Variants in RBM47 observed in about 807,000 individuals in gnomAD.
RBM47 encodes RNA binding motif protein 47, also known as RNA-binding protein 47.
In RBM47, 21 loss-of-function variants were observed where a neutral mutation model predicts 47.1. The ratio of observed to expected loss-of-function variants is 0.45; its 90% CI spans 0.32 to 0.64. RBM47 has a LOEUF of 0.64. Among genes scored for constraint, RBM47 ranks in the 30% least tolerant of loss-of-function variants. RBM47 has a pLI of 0.05. For synonymous variants in RBM47, 375 were observed against 361.7 expected, an observed-to-expected ratio of 1.04 and a Z score of -0.42; for missense variants, 708 against 870.9, an observed-to-expected ratio of 0.81 and a Z score of 2.35.
chr4:40,547,879 T>C (rs187544404), intron 1 of RBM47, among the ~76,000 whole-genome samples: 2 of 152,330 alleles, frequency 1.3e-5, no homozygotes, highest in African/African-American at 2.4e-5. Flanking sequence ...TCAACAAATA[T>C]GAAATGAATG....
intron 2 of RBM47, among the ~76,000 whole-genome samples, chr4:40,498,585 C>A (rs974067569): frequency 6.9e-6 from 1 of 145,090 alleles, no homozygotes; most frequent in Non-Finnish European, 1.5e-5. Flanking sequence ...GGCTAAGGCA[C>A]GAGAATCCAC....
intron 1 of RBM47, among the ~76,000 whole-genome samples, chr4:40,561,890 A>G (rs550926044): frequency 1.4e-4 from 22 of 152,076 alleles, no homozygotes; most frequent in African/African-American, 5.3e-4. Context: ...CTAGATCAGA[A>G]ATCTCTGTCC....
At chr4:40,609,251 A>C (rs984398097) in intron 1 of RBM47, among the ~76,000 whole-genome samples, 1 of 151,522 alleles carries the variant, frequency 6.6e-6, no homozygotes, top group African/African-American at 2.4e-5. Context: ...CAGCCTCCCA[A>C]AGTGCTGGGA....
At chr4:40,516,960 C>T (rs1470277811) in intron 2 of RBM47, among the ~76,000 whole-genome samples, 1 of 152,134 alleles carries the variant, frequency 6.6e-6, no homozygotes, top group African/African-American at 2.4e-5. Flanking sequence ...TTTATGCAAA[C>T]CCAAGAGGAG....
In RBM47 at chr4:40,613,375, G is replaced by A. The variant is rs188339950; in HGVS notation, c.-240+16021C>T. On this transcript the variant is annotated intron_variant, in intron 1 of 6. Coordinates refer to ENST00000295971, the MANE Select transcript of RBM47 (RefSeq NM_001098634.2). ...TAAAAAAAAAGTATACCAAAACTCTGGGGATATTCTAATGACATTAGTAGC... is the reference window on the plus strand; with the variant it reads ...TAAAAAAAAAGTATACCAAAACTCTAGGGATATTCTAATGACATTAGTAGC... Among the ~76,000 whole-genome samples, 57 of 152,190 alleles carry A rather than the reference G, an allele frequency of 3.7e-4. 2 individuals carry two copies. Among genetic ancestry groups the A allele is most frequent in the Admixed American group, 3.7e-3 (57 of 15,276 alleles).
intron 4 of RBM47, chr4:40,436,863 AGGG>A: frequency 1.5e-6 from 1 of 683,506 alleles, no homozygotes; most frequent in Non-Finnish European, 2.7e-6. Flanking sequence ...GCAAACTTGC[AGGG>A]TGAGTTTCTA....
intron 1 of RBM47, among the ~76,000 whole-genome samples, chr4:40,601,176 G>C (rs1226277767): frequency 6.6e-6 from 1 of 152,078 alleles, no homozygotes; most frequent in Non-Finnish European, 1.5e-5. Flanking sequence ...CCTGAATCTG[G>C]ATCTGCTTTG....
At chr4:40,587,418 T>C (rs1297225601) in intron 1 of RBM47, among the ~76,000 whole-genome samples, 1 of 151,998 alleles carries the variant, frequency 6.6e-6, no homozygotes, top group Non-Finnish European at 1.5e-5. Context: ...CAAACATCTA[T>C]CCATTCAATA....
intron 1 of RBM47, among the ~76,000 whole-genome samples, chr4:40,585,071 C>G (rs78365034): frequency 1.4e-3 from 217 of 152,274 alleles, no homozygotes; most frequent in African/African-American, 5.0e-3. Flanking sequence ...CACTACTTTG[C>G]TTTTCTAACA....
At chr4:40,626,481 G>A (rs991453054) in intron 1 of RBM47, among the ~76,000 whole-genome samples, 1 of 152,146 alleles carries the variant, frequency 6.6e-6, no homozygotes, top group Non-Finnish European at 1.5e-5. Context: ...TGAGGGCAGT[G>A]GTAATCTCCA....
At chr4:40,584,675 C>G (rs1435368360) in intron 1 of RBM47, among the ~76,000 whole-genome samples, 2 of 152,080 alleles carry the variant, frequency 1.3e-5, no homozygotes, top group Non-Finnish European at 2.9e-5. Context: ...ACACACACAC[C>G]TACATGTTGC....
intron 2 of RBM47, among the ~76,000 whole-genome samples, chr4:40,478,057 C>T (rs1719883159): frequency 7.8e-6 from 1 of 127,708 alleles, no homozygotes; most frequent in South Asian, 2.3e-4. Flanking sequence ...CTCTTATTAC[C>T]CAGGCTGGAG....
At chr4:40,474,697 T>C (rs1452467512) in intron 2 of RBM47, among the ~76,000 whole-genome samples, 2 of 152,224 alleles carry the variant, frequency 1.3e-5, no homozygotes, top group Non-Finnish European at 2.9e-5. Flanking sequence ...CTAATCTCTG[T>C]TATAAAATAC....
chr4:40,503,239 A>G (rs188507258), intron 2 of RBM47, among the ~76,000 whole-genome samples: 33 of 152,208 alleles, frequency 2.2e-4, no homozygotes, highest in Non-Finnish European at 4.7e-4. Context: ...CTCTCCTGAC[A>G]AGGTGGCCTC....
chr4:40,465,105 T>C (rs1055677879), intron 3 of RBM47, among the ~76,000 whole-genome samples: 1 of 152,084 alleles, frequency 6.6e-6, no homozygotes, highest in African/African-American at 2.4e-5. Flanking sequence ...TCTGAGTCCC[T>C]GAATTCAATG....
At position 40,436,908 on chromosome 4, in the gene RBM47, C is replaced by T. The variant is rs1002376113; in HGVS notation, c.1124-261G>A. On this transcript the variant is annotated intron_variant, in intron 4 of 6. Transcript: ENST00000295971. ...TATCTGCAATTTCAGTAAAGAAAAA[C>T]ATTCATAGACTACCCACCACCCCCT... The T allele has an allele frequency of 2.8e-5, 16 of 579,092 alleles. No individual in the cohort carries two copies. In the African/African-American group the frequency reaches 2.9e-4, roughly 10 times the overall value. The allele number at this position is 579,092 out of a possible 1,614,324, so 35.9% of individuals were successfully genotyped here.
intron 2 of RBM47, among the ~76,000 whole-genome samples, chr4:40,532,381 C>T (rs1294163092): frequency 1.4e-5 from 2 of 139,648 alleles, no homozygotes; most frequent in African/African-American, 2.7e-5. Context: ...GGCACGATCT[C>T]GGCTCATTAC....
chr4:40,558,359 T>C (rs1730288175), intron 1 of RBM47, among the ~76,000 whole-genome samples: 1 of 152,014 alleles, frequency 6.6e-6, no homozygotes, highest in Non-Finnish European at 1.5e-5. Context: ...TACTCAATCA[T>C]TTATTGAATG....
At chr4:40,625,565 C>T (rs2154282294) in intron 1 of RBM47, among the ~76,000 whole-genome samples, 2 of 152,220 alleles carry the variant, frequency 1.3e-5, no homozygotes, top group South Asian at 4.1e-4. Context: ...TTATCCATAG[C>T]GTCTGGGAAC....
Sources: gnomAD v4.1 joint callset for allele counts (sites outside exome capture counted in the v4.1 genomes callset) on GRCh38, gnomAD v4.1.1 for gene constraint, MANE v1.5 for transcripts, NCBI Gene and HGNC (gene_info 2026-07-23, HGNC 2026-07-21) for gene names.